Variants in PELI2 observed in about 807,000 individuals in gnomAD.
PELI2 encodes E3 ubiquitin-protein ligase pellino homolog 2.
In PELI2, 23 loss-of-function variants were observed where a neutral mutation model predicts 42.3. The observed-to-expected ratio is 0.54, with a 90% CI of 0.39 to 0.77. The LOEUF (loss-of-function observed/expected upper bound fraction) is 0.77. Among genes scored for constraint, PELI2 ranks in the 30% least tolerant of loss-of-function variants. The pLI is 0.00. For synonymous variants in PELI2, 245 were observed against 212.2 expected (o/e 1.15, Z -1.34); for missense variants, 463 against 553.2 (o/e 0.84, Z 1.64).
At chr14:56,185,527 A>G (rs960712638) in intron 2 of PELI2, among the ~76,000 whole-genome samples, 10 of 152,334 alleles carry the variant, frequency 6.6e-5, no homozygotes, top group African/African-American at 1.4e-4. Context: ...CCTACTTATC[A>G]TCATTTCATT....
At chr14:56,129,620 C>T (rs759531336) in intron 1 of PELI2, among the ~76,000 whole-genome samples, 3 of 152,160 alleles carry the variant, frequency 2.0e-5, no homozygotes, top group Non-Finnish European at 4.4e-5. Context: ...TGTGCTCTTT[C>T]CTGCATGGGA....
intron 2 of PELI2, among the ~76,000 whole-genome samples, chr14:56,249,976 G>A (rs1003056383): frequency 1.3e-5 from 2 of 152,168 alleles, no homozygotes; most frequent in African/African-American, 4.8e-5. Context: ...TTCACACAGG[G>A]AGCAAGATCA....
chr14:56,278,278 A>T (rs1010518671), intron 2 of PELI2, among the ~76,000 whole-genome samples: 1 of 152,226 alleles, frequency 6.6e-6, no homozygotes, highest in Non-Finnish European at 1.5e-5. Context: ...ATTAACAAAT[A>T]AAAATTGTAT....
At chr14:56,279,914 G>T in intron 3 of PELI2, 137 bp downstream of exon 3, 1 of 410,464 alleles carries the variant, frequency 2.4e-6, no homozygotes. Context: ...TTCCTGTTTG[G>T]TTGTTGAAAG....
chr14:56,151,428 G>T (rs1039142566), intron 1 of PELI2, among the ~76,000 whole-genome samples: 1 of 152,204 alleles, frequency 6.6e-6, no homozygotes, highest in African/African-American at 2.4e-5. Context: ...ACCTGTTCTA[G>T]AACAACATTA....
intron 1 of PELI2, among the ~76,000 whole-genome samples, chr14:56,135,206 G>C (rs1883642425): frequency 6.6e-6 from 1 of 152,174 alleles, no homozygotes; most frequent in Non-Finnish European, 1.5e-5. Flanking sequence ...AGGGCCCCGT[G>C]AGTAGAAGGG....
rs112627508 is a variant in PELI2, at chr14:56,197,839, T to A, written c.207+19375T>A. ...TTCAGACTTGAACTGCAGTCTTGGT[T>A]CTTTCTGGGGTCTCCGGCCTGCCTG... On this transcript the variant is annotated intron_variant, in intron 2 of 5. Coordinates refer to ENST00000267460, the MANE Select transcript of PELI2 (RefSeq NM_021255.3). The surrounding 1 kb of genome is among the most constrained non-coding windows in gnomAD (Gnocchi z 4.9). Among the ~76,000 whole-genome samples, 4 of 152,050 alleles carry A rather than the reference T, an allele frequency of 2.6e-5. 1 individual carries two copies. The highest frequency in any genetic ancestry group is 7.2e-5 in the African/African-American group (3 of 41,440).
chr14:56,279,097 A>G (rs1889391929), intron 2 of PELI2, among the ~76,000 whole-genome samples: 1 of 152,218 alleles, frequency 6.6e-6, no homozygotes, highest in Non-Finnish European at 1.5e-5. Flanking sequence ...ATTTATTAAT[A>G]AAGTAAATAT....
At chr14:56,237,943 T>C (rs1181210975) in intron 2 of PELI2, among the ~76,000 whole-genome samples, 1 of 152,120 alleles carries the variant, frequency 6.6e-6, no homozygotes, top group Non-Finnish European at 1.5e-5. Flanking sequence ...AACTCAGATC[T>C]TATTCATCCT....
chr14:56,257,966 T>A (rs1313502147), intron 2 of PELI2, among the ~76,000 whole-genome samples: 2 of 152,148 alleles, frequency 1.3e-5, no homozygotes, highest in Non-Finnish European at 1.5e-5. Flanking sequence ...TCAGGTACTG[T>A]TTTGTTTGTG....
intron 2 of PELI2, among the ~76,000 whole-genome samples, chr14:56,218,339 A>T (rs948171058): frequency 2.0e-5 from 3 of 152,252 alleles, no homozygotes; most frequent in Admixed American, 6.5e-5. Flanking sequence ...TCAACATATA[A>T]GCCAAGAATT....
chr14:56,140,559 A>G (rs1257324401), intron 1 of PELI2, among the ~76,000 whole-genome samples: 1 of 152,234 alleles, frequency 6.6e-6, no homozygotes, highest in East Asian at 1.9e-4. Flanking sequence ...AGTCAAGACT[A>G]CCTACATTAA....
At chr14:56,173,877 A>T (rs748052549) in intron 1 of PELI2, among the ~76,000 whole-genome samples, 8 of 152,144 alleles carry the variant, frequency 5.3e-5, no homozygotes, top group Non-Finnish European at 1.0e-4. Context: ...CGCTTTTCCA[A>T]AAGGTCACAT....
chr14:56,190,737 C>G (rs1395939048), intron 2 of PELI2, among the ~76,000 whole-genome samples: 1 of 152,178 alleles, frequency 6.6e-6, no homozygotes, highest in Non-Finnish European at 1.5e-5. Context: ...AATATTCATT[C>G]TGTTAGCCAA....
chr14:56,295,058 T>G (rs1375032960), intron 5 of PELI2, among the ~76,000 whole-genome samples: 2 of 151,854 alleles, frequency 1.3e-5, no homozygotes, highest in Non-Finnish European at 2.9e-5. Flanking sequence ...AGGCTCTTGC[T>G]CAGATCAAGA....
chr14:56,279,200 T>G (rs976255789), intron 2 of PELI2, among the ~76,000 whole-genome samples: 1 of 152,204 alleles, frequency 6.6e-6, no homozygotes, highest in Admixed American at 6.5e-5. Flanking sequence ...TATTATGATA[T>G]TGAAATCTTA....
At chr14:56,177,069 T>TTATTTC (rs1158147874) in intron 1 of PELI2, among the ~76,000 whole-genome samples, 1 of 152,220 alleles carries the variant, frequency 6.6e-6, no homozygotes, top group Non-Finnish European at 1.5e-5. Context: ...TGAAATAAAT[T>TTATTTC]ATCTTTTTAT....
intron 1 of PELI2, among the ~76,000 whole-genome samples, chr14:56,168,430 G>A (rs543396357): frequency 7.2e-5 from 11 of 152,320 alleles, no homozygotes; most frequent in African/African-American, 2.6e-4. Flanking sequence ...CAAAGGCAGA[G>A]AAGCCTTACC....
intron 2 of PELI2, among the ~76,000 whole-genome samples, chr14:56,276,635 C>T (rs916809904): frequency 1.3e-5 from 2 of 152,186 alleles, no homozygotes; most frequent in African/African-American, 4.8e-5. Flanking sequence ...GCCCCGGAGC[C>T]ACTCCCCACC....
Sources: gnomAD v4.1 joint callset for allele counts (sites outside exome capture counted in the v4.1 genomes callset) on GRCh38, gnomAD v4.1.1 for gene constraint, Gnocchi (gnomAD v3.1) non-coding constraint, MANE v1.5 for transcripts, NCBI Gene and HGNC (gene_info 2026-07-23, HGNC 2026-07-21) for gene names.